SLC6A20: variants seen among roughly 807,000 people sequenced by gnomAD.
SLC6A20 encodes the protein solute carrier family 6 member 20, also known as sodium- and chloride-dependent transporter XTRP3.
Under a neutral mutation model 64.3 loss-of-function variants are expected in SLC6A20, and 73 were observed. The observed-to-expected ratio is 1.14, with a 90% CI of 0.94 to 1.38. The LOEUF is 1.38. Ranked by LOEUF, SLC6A20 falls within the 40% of genes most tolerant of loss-of-function variation. The pLI is 0.00. For synonymous variants in SLC6A20, 347 were observed against 329.6 expected (o/e 1.05, Z -0.57); for missense variants, 725 against 772.8 (o/e 0.94, Z 0.73).
Position 45,770,245 on chromosome 3 carries a change from T to A in SLC6A20, c.1062A>T (p.Gln354His), listed in dbSNP as rs1369337093. The A allele has an allele frequency of 5.0e-6, 8 of 1,614,106 alleles. No homozygotes were observed. Among genetic ancestry groups the A allele is most frequent in the Non-Finnish European group, 6.8e-6 (8 of 1,180,050 alleles). ...YPSKYSEMFP[Q>H]IKNCSLESEL... is the part of the protein sequence containing the mutation. ...CCGATTCCAAGCTGCAGTTTTTGAT[T>A]TGCGGGAACATCTCGCTGTATTTGC... The change falls in exon 7 of 11, where the codon CAA becomes CAT. Residue 354 changes from glutamine to histidine, a missense_variant. Transcript: ENST00000358525.
intron 3 of SLC6A20, 104 bp from the exon 4 acceptor site, chr3:45,776,092 G>C (rs1699962883): frequency 1.8e-6 from 2 of 1,133,290 alleles, no homozygotes; most frequent in Admixed American, 1.9e-5. Context: ...TGGAAGAGAA[G>C]GGTGCTGGTC....
intron 3 of SLC6A20, among the ~76,000 whole-genome samples, chr3:45,779,253 A>T (rs1242837266): frequency 6.6e-6 from 1 of 152,196 alleles, no homozygotes; most frequent in Non-Finnish European, 1.5e-5. Context: ...GCAGTGGAGG[A>T]TGGGGTTCCT....
intron 4 of SLC6A20, among the ~76,000 whole-genome samples, chr3:45,773,230 G>A (rs1699907131): frequency 6.6e-6 from 1 of 152,202 alleles, no homozygotes. Context: ...AAAGCAGCGA[G>A]GTGTAGCGTA....
intron 6 of SLC6A20, 83 bp downstream of exon 6, chr3:45,771,134 A>G (rs1699855323): frequency 1.3e-6 from 2 of 1,581,032 alleles, no homozygotes; most frequent in Non-Finnish European, 1.7e-6. Flanking sequence ...AAACTGGTGC[A>G]CTTTGCCCCA....
At chr3:45,771,106 C>T (rs1699854893) in intron 6 of SLC6A20, 111 bp downstream of exon 6, 1 of 1,479,176 alleles carries the variant, frequency 6.8e-7, no homozygotes, top group East Asian at 2.4e-5. Flanking sequence ...AAATGTGAGC[C>T]CTGGATTGAG....
chr3:45,759,184 C>T (rs1699615705), intron 10 of SLC6A20, 57 bp from the exon 11 acceptor site: 2 of 1,527,688 alleles, frequency 1.3e-6, no homozygotes, highest in Non-Finnish European at 1.8e-6. Context: ...GCCCCTGGGC[C>T]TCAGGGCCCA....
intron 9 of SLC6A20, 80 bp from the exon 10 acceptor site, chr3:45,760,102 A>G: frequency 6.9e-7 from 1 of 1,457,522 alleles, no homozygotes; most frequent in Non-Finnish European, 9.3e-7. Context: ...GTCCCTATTC[A>G]CAAAGGAACA....
intron 1 of SLC6A20, among the ~76,000 whole-genome samples, chr3:45,792,672 G>C (rs1479183000): frequency 6.6e-6 from 1 of 152,188 alleles, no homozygotes; most frequent in Non-Finnish European, 1.5e-5. Flanking sequence ...GGCCTGAAGA[G>C]CTGTGGCCAC....
Position 45,776,004 on chromosome 3 carries a change from A to C in SLC6A20, c.355-16T>G. On this transcript the variant is annotated splice_polypyrimidine_tract_variant and intron_variant, in intron 3 of 10. Coordinates refer to ENST00000358525, the MANE Select transcript of SLC6A20 (RefSeq NM_020208.4). ...GCAGGGGATCCTGTGGGACCAAAGCAAGTGTTATCCAGGGAGGTGAAGGCT... is the reference window on the plus strand; with the variant it reads ...GCAGGGGATCCTGTGGGACCAAAGCCAGTGTTATCCAGGGAGGTGAAGGCT... The C allele has an allele frequency of 6.2e-7, 1 of 1,613,110 alleles. No homozygotes were observed. Among genetic ancestry groups the C allele is most frequent in the Non-Finnish European group, 8.5e-7 (1 of 1,179,148 alleles).
In SLC6A20 at chr3:45,765,647, A is replaced by G. The variant is rs1699763527; in HGVS notation, c.1193T>C (p.Met398Thr). ...SQLWSVLYFF[M>T]LLMLGIGSML... is the part of the protein sequence containing the mutation. ...GCTCCCAATGCCCAGCATCAGCAGC[A>G]TGAAGAAGTAGAGCACCGACCACAG... The change falls in exon 8 of 11, where the codon ATG (methionine) becomes ACG (threonine). Residue 398 changes from methionine (M) to threonine (T), a missense_variant. Transcript: ENST00000358525. The surrounding 1 kb of genome is among the most constrained non-coding windows in gnomAD (Gnocchi z 4.2). 1 of 1,614,216 alleles carries G rather than the reference A, an allele frequency of 6.2e-7. No individual in the cohort carries two copies. Among genetic ancestry groups the G allele is most frequent in the Non-Finnish European group, 8.5e-7 (1 of 1,180,028 alleles).
intron 1 of SLC6A20, among the ~76,000 whole-genome samples, chr3:45,782,488 C>A (rs540298547): frequency 1.6e-4 from 24 of 152,030 alleles, no homozygotes; most frequent in Non-Finnish European, 3.1e-4. Context: ...TTCCATCCAA[C>A]CATCCATTCA....
Position 45,759,121 on chromosome 3 carries a change from G to A in SLC6A20, c.1636C>T (p.Leu546Phe). 6.2e-7 allele frequency: 1 copy of A among 1,610,030 alleles called. No homozygotes were observed. Among genetic ancestry groups the A allele is most frequent in the East Asian group, 2.2e-5 (1 of 44,792 alleles). ...YQAWDASQGQ[L>F]VTKDYPAYAL... ...TAGGCCGGGTAATCTTTGGTCACGA[G>A]CTGGCCCTGAAAGGAGAGACTGAGT... Residue 546 changes from leucine (L) to phenylalanine (F), a missense_variant, in exon 11 of 11, where the codon CTC (leucine) becomes TTC (phenylalanine). By Grantham distance (22) the Leu-to-Phe change is conservative. Coordinates refer to ENST00000358525, the MANE Select transcript of SLC6A20 (RefSeq NM_020208.4).
chr3:45,777,891 C>T (rs1559568262), intron 3 of SLC6A20, among the ~76,000 whole-genome samples: 1 of 152,210 alleles, frequency 6.6e-6, no homozygotes, highest in Non-Finnish European at 1.5e-5. Flanking sequence ...GCCCAGGCTG[C>T]ACCCCCAGTG....
chr3:45,782,042 C>G (rs116555562), intron 2 of SLC6A20, 41 bp downstream of exon 2: 2 of 1,549,450 alleles, frequency 1.3e-6, no homozygotes, highest in South Asian at 2.5e-5. Context: ...CCATGCTGCC[C>G]GGGTCTCTGG....
chr3:45,770,153 G>C, intron 7 of SLC6A20, 56 bp downstream of exon 7: 1 of 1,601,032 alleles, frequency 6.2e-7, no homozygotes, highest in Non-Finnish European at 8.5e-7. Context: ...AGCTCACCAA[G>C]GTTCCCATGA....
intron 8 of SLC6A20, among the ~76,000 whole-genome samples, chr3:45,764,661 C>A (rs1447919516): frequency 6.8e-6 from 1 of 146,936 alleles, no homozygotes; most frequent in African/African-American, 2.5e-5. Flanking sequence ...AAGATCGCAC[C>A]ATTGCACTCC....
chr3:45,777,641 G>A (rs1004244829), intron 3 of SLC6A20, among the ~76,000 whole-genome samples: 1 of 152,232 alleles, frequency 6.6e-6, no homozygotes, highest in African/African-American at 2.4e-5. Flanking sequence ...TGCGGGTGCA[G>A]GGAGAGGGAG....
chr3:45,763,161 C>G, intron 8 of SLC6A20, 89 bp from the exon 9 acceptor site: 1 of 1,557,400 alleles, frequency 6.4e-7, no homozygotes, highest in Non-Finnish European at 8.7e-7. Flanking sequence ...GTCGTCGGCC[C>G]TCAGGGAATT....
rs72893648 is a variant in SLC6A20 at position 45,788,888 on chromosome 3, A to C, written c.122-6665T>G. On this transcript the variant is annotated intron_variant, in intron 1 of 10. Transcript: ENST00000358525. ...AGGAACTCAGATATGGGGTTGTGTTATAGTAGAACTAACTAGTGGTAAATA... is the reference window on the plus strand; with the variant it reads ...AGGAACTCAGATATGGGGTTGTGTTCTAGTAGAACTAACTAGTGGTAAATA... Among the ~76,000 whole-genome samples, 758 of 152,342 alleles carry C rather than the reference A, an allele frequency of 5.0e-3. 7 individuals carry two copies. The highest frequency in any genetic ancestry group is 0.017 in the African/African-American group (720 of 41,572).
Sources: allele counts gnomAD v4.1 joint callset (sites outside exome capture counted in the v4.1 genomes callset), GRCh38; gene constraint gnomAD v4.1.1; non-coding constraint Gnocchi (gnomAD v3.1); transcripts MANE v1.5; gene names NCBI Gene and HGNC (gene_info 2026-07-23, HGNC 2026-07-21).